FAHD2B: variants seen among roughly 807,000 people sequenced by gnomAD.
FAHD2B encodes oxaloacetate tautomerase FAHD2B, mitochondrial.
Under a neutral mutation model 33.7 loss-of-function variants are expected in FAHD2B, and 26 were observed. The observed-to-expected ratio is 0.77, with a 90% confidence interval of 0.57 to 1.07. The LOEUF is 1.07. Among genes scored for constraint, FAHD2B ranks in the 50% least tolerant of loss-of-function variants. The pLI, the probability that FAHD2B is intolerant of heterozygous loss-of-function variation, is 0.00. For synonymous variants in FAHD2B, 108 were observed against 150.9 expected (o/e 0.72, Z 2.08); for missense variants, 272 against 388.1 (o/e 0.70, Z 2.51).
In FAHD2B at chr2:97,085,801, C is replaced by A. The variant is rs1176609168; in HGVS notation, c.583G>T (p.Asp195Tyr). 2 of 1,613,770 alleles carry A rather than the reference C, an allele frequency of 1.2e-6. No homozygotes were observed. Among genetic ancestry groups the A allele is most frequent in the Non-Finnish European group, 1.7e-6 (2 of 1,179,802 alleles). The change falls in exon 6 of 9, where the codon GAC becomes TAC. Residue 195 changes from aspartate to tyrosine, a missense_variant. Transcript: ENST00000414820. ...TTCCCATTGCGTCTTGTTAGCCAGT[C>A]ACGAGCACTCACGTCATGAGCCACA... ...FTVAHDVSAR[D>Y]WLTRRNGKQW... is the part of the protein sequence containing the mutation.
chr2:97,093,557 C>T (rs1045196067), intron 1 of FAHD2B, among the ~76,000 whole-genome samples: 9 of 147,584 alleles, frequency 6.1e-5, no homozygotes, highest in Non-Finnish European at 1.2e-4. Flanking sequence ...TCACTGCAAG[C>T]TCTGCCTCCC....
intron 4 of FAHD2B, among the ~76,000 whole-genome samples, chr2:97,087,320 A>AGATTTCAGG (rs1397225407): frequency 6.6e-6 from 1 of 152,066 alleles, no homozygotes. Context: ...CAAAGTGCTG[A>AGATTTCAGG]GATTTCAGGT....
downstream of FAHD2B, chr2:97,083,162 G>A (rs2031720017): frequency 6.3e-7 from 1 of 1,591,486 alleles, no homozygotes; most frequent in African/African-American, 1.3e-5. Flanking sequence ...CAGACGCCGA[G>A]CCCTGCAGGC....
downstream of FAHD2B, chr2:97,081,470 G>A (rs1423047996): frequency 3.8e-6 from 6 of 1,582,960 alleles, no homozygotes; most frequent in South Asian, 1.1e-5. Context: ...ACTGTCAGGA[G>A]GTGCTGGACA....
rs534893229 is a variant in FAHD2B, at chr2:97,092,065, C to G, written c.-132-77G>C. The G allele has an allele frequency of 1.7e-3, 332 of 196,342 alleles. 2 individuals are homozygous for G. The highest frequency in any genetic ancestry group is 7.0e-3 in the African/African-American group (302 of 43,328). The allele number at this position is 196,342 out of a possible 1,614,324, so 12.2% of individuals were successfully genotyped here. On this transcript the variant is annotated intron_variant, in intron 1 of 8. Transcript: ENST00000414820. ...CTGCACAGGTCACAGATGTTAACAA[C>G]TGACGTAAGATTCAGCTATCAGGAC... is the stretch of plus-strand genomic sequence containing the variant.
Position 97,091,325 on chromosome 2 carries a change from G to C in FAHD2B, c.245+137C>G, listed in dbSNP as rs2032322178. 5 of 1,005,932 alleles carry C rather than the reference G, an allele frequency of 5.0e-6. No individual in the cohort carries two copies. In the East Asian group the frequency reaches 1.1e-4, roughly 21 times the overall value. The allele number at this position is 1,005,932 out of a possible 1,614,324, so 62.3% of individuals were successfully genotyped here. A position where few individuals can be genotyped will look rare whatever the true frequency, so the allele number is the denominator to read the frequency against. On this transcript the variant is annotated intron_variant, in intron 3 of 8. Transcript: ENST00000414820. ...TGTAAGATTTCTAAGGATCTTTTAA[G>C]AGAACGGGAGAAAAGGAAAGGTGGG...
In FAHD2B at chr2:97,083,698, G is replaced by A. The variant is rs1352307419; in HGVS notation, c.*57C>T. 3.1e-6 allele frequency: 5 copies of A among 1,613,586 alleles called. No homozygotes were observed. The highest frequency in any genetic ancestry group is 4.2e-6 in the Non-Finnish European group (5 of 1,179,962). ...ACACCTGCCACTGGGCCTTTCCCTGGGCTAGGCTGAGTGGGAGCAGATGCC... is the reference window on the plus strand; with the variant it reads ...ACACCTGCCACTGGGCCTTTCCCTGAGCTAGGCTGAGTGGGAGCAGATGCC... On this transcript the variant is annotated 3_prime_UTR_variant, in exon 9 of 9. Coordinates refer to ENST00000414820, the MANE Select transcript of FAHD2B (RefSeq NM_001320848.2).
At chr2:97,093,707 T>C (rs796201161) in intron 1 of FAHD2B, among the ~76,000 whole-genome samples, 2 of 152,172 alleles carry the variant, frequency 1.3e-5, no homozygotes, top group African/African-American at 4.8e-5. Context: ...TCTCCTGACC[T>C]TGTGATCCGC....
intron 1 of FAHD2B, among the ~76,000 whole-genome samples, chr2:97,093,539 A>G (rs552794856): frequency 6.9e-6 from 1 of 145,886 alleles, no homozygotes; most frequent in East Asian, 2.0e-4. Context: ...CAGTGGCGCA[A>G]TCTTGGCTCA....
chr2:97,090,742 T>C (rs1443986336), intron 3 of FAHD2B, among the ~76,000 whole-genome samples: 4 of 151,898 alleles, frequency 2.6e-5, no homozygotes, highest in African/African-American at 9.7e-5. Flanking sequence ...TAACAATATG[T>C]AACAATACAT....
At chr2:97,083,004 G>A, downstream of FAHD2B, 2 of 971,668 alleles carry the variant, frequency 2.1e-6, no homozygotes, top group East Asian at 2.6e-5. Flanking sequence ...CTGCTTTGCG[G>A]CAGCATTTGC....
chr2:97,082,514 G>A, downstream of FAHD2B: 1 of 1,607,834 alleles, frequency 6.2e-7, no homozygotes, highest in Non-Finnish European at 8.5e-7. Context: ...GGTGTTTGCT[G>A]GTGGCTGCTG....
rs773185428 is a variant in FAHD2B at position 97,083,777 on chromosome 2, A to G, written c.923T>C (p.Val308Ala). The change falls in exon 9 of 9, where the codon GTC becomes GCC. Residue 308 changes from valine (V) to alanine (A), a missense_variant. Physicochemically the swap from Val to Ala is moderately conservative, Grantham distance 64 (BLOSUM62 0). Coordinates refer to ENST00000414820, the MANE Select transcript of FAHD2B (RefSeq NM_001320848.2). The part of the protein sequence containing the change: ...EVQCEIEELG[V>A]IINKVV ...CCATCACACCACCTTGTTGATGATG[A>G]CACCTAGTTCTTCAATCTCACACTG... 24 of 1,614,010 alleles carry G rather than the reference A, an allele frequency of 1.5e-5. No individual in the cohort carries two copies. The highest frequency in any genetic ancestry group is 1.9e-5 in the Non-Finnish European group (22 of 1,180,044).
chr2:97,083,444 C>T (rs556459779), downstream of FAHD2B: 79 of 1,368,554 alleles, frequency 5.8e-5, no homozygotes, highest in African/African-American at 4.6e-4. Context: ...GGGGACGAGA[C>T]GAGTTGTCTT....
intron 1 of FAHD2B, among the ~76,000 whole-genome samples, chr2:97,093,768 C>T (rs930834999): frequency 6.6e-6 from 1 of 152,090 alleles, no homozygotes; most frequent in Non-Finnish European, 1.5e-5. Flanking sequence ...CCACGGCGCC[C>T]GGCCTGATTT....
At chr2:97,093,574 A>T (rs1357084489) in intron 1 of FAHD2B, among the ~76,000 whole-genome samples, 2 of 143,956 alleles carry the variant, frequency 1.4e-5, no homozygotes, top group African/African-American at 5.2e-5. Context: ...TCCCGGGTTC[A>T]TGCCATTCTC....
At chr2:97,093,788 C>T (rs1213575298) in intron 1 of FAHD2B, among the ~76,000 whole-genome samples, 2 of 151,968 alleles carry the variant, frequency 1.3e-5, no homozygotes, top group Non-Finnish European at 1.5e-5. Context: ...TAATTCTTGA[C>T]GCTTGTGGAA....
At chr2:97,081,483 C>T (rs879062764), downstream of FAHD2B, 3 of 1,583,312 alleles carry the variant, frequency 1.9e-6, 1 homozygote, top group South Asian at 2.3e-5. Context: ...GCTGGACAGG[C>T]TCATCCAATG....
At chr2:97,090,941 A>C (rs1023221918) in intron 3 of FAHD2B, among the ~76,000 whole-genome samples, 1 of 132,718 alleles carries the variant, frequency 7.5e-6, no homozygotes, top group African/African-American at 2.7e-5. Flanking sequence ...ATGACATCTT[A>C]AAGTATTTTT....
Sources: gnomAD v4.1 joint callset for allele counts (sites outside exome capture counted in the v4.1 genomes callset) on GRCh38, gnomAD v4.1.1 for gene constraint, MANE v1.5 for transcripts, NCBI Gene and HGNC (gene_info 2026-07-23, HGNC 2026-07-21) for gene names.